PRTG: variants seen among roughly 807,000 people sequenced by gnomAD.
PRTG encodes protogenin.
In PRTG, 67 loss-of-function variants were observed where a neutral mutation model predicts 122.5. The observed-to-expected ratio is 0.55, with a 90% CI of 0.45 to 0.67. The LOEUF (loss-of-function observed/expected upper bound fraction) is 0.67. PRTG is among the 30% of genes least tolerant of loss of function. The pLI, the probability that PRTG is intolerant of heterozygous loss-of-function variation, is 0.00. For synonymous variants in PRTG, 554 were observed against 501.1 expected (o/e 1.11, Z -1.41); for missense variants, 1,435 against 1,415.4 (o/e 1.01, Z -0.22).
At chr15:55,722,254 G>C (rs2030852929) in intron 2 of PRTG, among the ~76,000 whole-genome samples, 1 of 152,128 alleles carries the variant, frequency 6.6e-6, no homozygotes, top group Non-Finnish European at 1.5e-5. Flanking sequence ...AACTCCACCA[G>C]GAATAAACTT....
At chr15:55,734,913 C>CT (rs1407625542) in intron 2 of PRTG, among the ~76,000 whole-genome samples, 1 of 152,042 alleles carries the variant, frequency 6.6e-6, no homozygotes, top group African/African-American at 2.4e-5. Context: ...TGTTTTCTAC[C>CT]TTTTTTGTAC....
chr15:55,630,489 A>G (rs2059221933), intron 15 of PRTG, among the ~76,000 whole-genome samples: 1 of 152,220 alleles, frequency 6.6e-6, no homozygotes, highest in Non-Finnish European at 1.5e-5. Flanking sequence ...CAGGAACCTC[A>G]GAGTACTGAA....
rs755612330 is a variant in PRTG, at chr15:55,628,906, T to G, written c.2722A>C (p.Asn908His). 1 of 1,614,050 alleles carries G rather than the reference T, an allele frequency of 6.2e-7. No homozygotes were observed. The highest frequency in any genetic ancestry group is 8.5e-7 in the Non-Finnish European group (1 of 1,179,952). Reference sequence around the variant, plus strand: ...GGAAGTACTGCCAGCTCCACAGAATTTGAAAAGGGTCCTTCTCCCACCTCA... The same window carrying G: ...GGAAGTACTGCCAGCTCCACAGAATGTGAAAAGGGTCCTTCTCCCACCTCA... ...SNEVGEGPFS[N>H]SVELAVLPKE... Residue 908 changes from asparagine (N) to histidine (H), a missense_variant, in exon 16 of 20, where the codon AAT becomes CAT. Transcript: ENST00000389286.
At chr15:55,709,337 T>G (rs2030286772) in intron 2 of PRTG, among the ~76,000 whole-genome samples, 1 of 146,886 alleles carries the variant, frequency 6.8e-6, no homozygotes, top group African/African-American at 2.5e-5. Context: ...TAAAAAAAGT[T>G]TATATATATA....
intron 17 of PRTG, 41 bp from the exon 18 acceptor site, chr15:55,624,548 G>C (rs1475358725): frequency 6.4e-7 from 1 of 1,568,378 alleles, no homozygotes. Context: ...TAATTTCATA[G>C]AAGATGCAGG....
At chr15:55,679,157 A>G (rs1200430446) in intron 7 of PRTG, 129 bp downstream of exon 7, 1 of 607,068 alleles carries the variant, frequency 1.6e-6, no homozygotes, top group Non-Finnish European at 2.8e-6. Flanking sequence ...TTAATTTCTT[A>G]GTTTAGTTTC....
At chr15:55,712,037 C>T (rs969254008) in intron 2 of PRTG, among the ~76,000 whole-genome samples, 15 of 152,140 alleles carry the variant, frequency 9.9e-5, no homozygotes, top group Admixed American at 7.9e-4. Context: ...TAAGCAGAAG[C>T]CAAATGATTC....
intron 15 of PRTG, among the ~76,000 whole-genome samples, chr15:55,635,681 A>T (rs902743657): frequency 2.0e-5 from 3 of 152,196 alleles, no homozygotes; most frequent in African/African-American, 7.2e-5. Flanking sequence ...AAATACGAAC[A>T]TGCAACGATC....
At chr15:55,726,435 G>A (rs1232033611) in intron 2 of PRTG, among the ~76,000 whole-genome samples, 2 of 152,064 alleles carry the variant, frequency 1.3e-5, no homozygotes, top group African/African-American at 4.8e-5. Flanking sequence ...GGTATTCCAT[G>A]CAAATGGTAA....
chr15:55,667,157 A>G (rs778943811), intron 11 of PRTG, among the ~76,000 whole-genome samples: 11 of 151,978 alleles, frequency 7.2e-5, no homozygotes, highest in Non-Finnish European at 1.3e-4. Flanking sequence ...GAGAACACCC[A>G]AAGTATTTTA....
chr15:55,629,596 C>A (rs932487382), intron 15 of PRTG, among the ~76,000 whole-genome samples: 2 of 152,000 alleles, frequency 1.3e-5, no homozygotes, highest in Non-Finnish European at 2.9e-5. Flanking sequence ...ATGGCCCAGA[C>A]TGGACTGGAA....
intron 2 of PRTG, among the ~76,000 whole-genome samples, chr15:55,733,514 C>CAAAAAAAA (rs1171561645): frequency 1.2e-4 from 9 of 76,382 alleles, no homozygotes; most frequent in African/African-American, 3.0e-4. Context: ...CTGTCTCAAA[C>CAAAAAAAA]AAAAAAAAAA....
At chr15:55,706,335 C>G (rs1036645905) in intron 2 of PRTG, among the ~76,000 whole-genome samples, 1 of 151,766 alleles carries the variant, frequency 6.6e-6, no homozygotes, top group Non-Finnish European at 1.5e-5. Context: ...GGAAGGATAT[C>G]AAGGGATTAT....
intron 18 of PRTG, among the ~76,000 whole-genome samples, chr15:55,622,286 C>T (rs985845500): frequency 6.9e-6 from 1 of 145,240 alleles, no homozygotes; most frequent in Non-Finnish European, 1.5e-5. Context: ...GGCGCGATCT[C>T]GGCTCATTGC....
intron 11 of PRTG, among the ~76,000 whole-genome samples, chr15:55,646,770 A>G (rs760785749): frequency 2.0e-5 from 3 of 152,264 alleles, no homozygotes; most frequent in Non-Finnish European, 2.9e-5. Flanking sequence ...AATTTGATTC[A>G]TAACAGTACA....
At chr15:55,723,219 A>T (rs2030895948) in intron 2 of PRTG, among the ~76,000 whole-genome samples, 1 of 152,176 alleles carries the variant, frequency 6.6e-6, no homozygotes, top group South Asian at 2.1e-4. Flanking sequence ...TACAAATCAC[A>T]TGTGGAAACA....
Position 55,680,521 on chromosome 15 carries a change from G to C in PRTG, c.784C>G (p.Pro262Ala), listed in dbSNP as rs757955474. Residue 262 changes from proline to alanine, a missense_variant, in exon 5 of 20, where the codon CCC becomes GCC. By Grantham distance (27) the Pro-to-Ala change is conservative. Coordinates refer to ENST00000389286, the MANE Select transcript of PRTG (RefSeq NM_173814.6). ...VVLECMATGN[P>A]KPIISWSRLD... ...CGGCTCCAAGAAATGATTGGTTTGGGATTTCCTGTGGCCATGCATTCCAAA... is the reference window on the plus strand; with the variant it reads ...CGGCTCCAAGAAATGATTGGTTTGGCATTTCCTGTGGCCATGCATTCCAAA... 24 of 1,600,800 alleles carry C rather than the reference G, an allele frequency of 1.5e-5. No homozygotes were observed. Among genetic ancestry groups the C allele is most frequent in the African/African-American group, 2.7e-5 (2 of 74,608 alleles).
intron 9 of PRTG, among the ~76,000 whole-genome samples, chr15:55,674,024 C>A (rs1191436604): frequency 6.6e-6 from 1 of 152,116 alleles, no homozygotes; most frequent in Non-Finnish European, 1.5e-5. Context: ...GTGAATTATA[C>A]AAGGGTGGGG....
intron 18 of PRTG, among the ~76,000 whole-genome samples, chr15:55,622,225 T>TTTTG (rs2059170340): frequency 1.3e-5 from 2 of 149,390 alleles, no homozygotes; most frequent in African/African-American, 4.9e-5. Context: ...TGTTTTTTTT[T>TTTTG]TTTTTTTTTT....
Sources: gnomAD v4.1 joint callset for allele counts (sites outside exome capture counted in the v4.1 genomes callset) on GRCh38, gnomAD v4.1.1 for gene constraint, MANE v1.5 for transcripts, NCBI Gene and HGNC (gene_info 2026-07-23, HGNC 2026-07-21) for gene names.